ALPK1: variants seen among roughly 807,000 people sequenced by gnomAD.
The protein encoded by ALPK1 is alpha kinase 1.
In ALPK1, 110 loss-of-function variants were observed where a neutral mutation model predicts 120.6. The ratio of observed to expected loss-of-function variants is 0.91; its 90% CI spans 0.78 to 1.07. The LOEUF is 1.07. ALPK1 is among the 50% of genes least tolerant of loss of function. The probability of loss-of-function intolerance (pLI) is 0.00; values close to 1 mark genes in which losing one functional copy is unlikely to be tolerated. For synonymous variants in ALPK1, 582 were observed against 560.3 expected (o/e 1.04, Z -0.55); for missense variants, 1,498 against 1,483.9 (o/e 1.01, Z -0.16).
At chr4:112,391,277 G>A (rs758526024) in intron 4 of ALPK1, among the ~76,000 whole-genome samples, 1 of 152,192 alleles carries the variant, frequency 6.6e-6, no homozygotes, top group African/African-American at 2.4e-5. Context: ...CAAGGTAGGG[G>A]CTACTCCCTC....
At chr4:112,363,108 A>G (rs999675576) in intron 2 of ALPK1, among the ~76,000 whole-genome samples, 14 of 152,248 alleles carry the variant, frequency 9.2e-5, no homozygotes, top group African/African-American at 3.4e-4. Flanking sequence ...GAAACAAATC[A>G]TTGAAATACA....
intron 4 of ALPK1, among the ~76,000 whole-genome samples, chr4:112,403,966 G>A (rs947091707): frequency 6.6e-6 from 1 of 152,234 alleles, no homozygotes; most frequent in African/African-American, 2.4e-5. Flanking sequence ...GGTGCTTGGG[G>A]AGGGATTCCT....
At chr4:112,435,390 C>A in intron 12 of ALPK1, 89 bp downstream of exon 12, 1 of 1,308,838 alleles carries the variant, frequency 7.6e-7, no homozygotes, top group Non-Finnish European at 1.0e-6. Context: ...TTCGTAGGGG[C>A]TGAAAAACTT....
chr4:112,396,393 C>T (rs1312424260), intron 4 of ALPK1, among the ~76,000 whole-genome samples: 1 of 152,136 alleles, frequency 6.6e-6, no homozygotes, highest in Non-Finnish European at 1.5e-5. Flanking sequence ...TGTAAACCTA[C>T]TTATCAACTA....
intron 2 of ALPK1, among the ~76,000 whole-genome samples, chr4:112,317,851 A>G (rs758683378): frequency 7.9e-5 from 12 of 152,172 alleles, no homozygotes; most frequent in Non-Finnish European, 1.2e-4. Context: ...ACATATATAT[A>G]CCATTACAAA....
chr4:112,431,242 T>G lies in ALPK1; in HGVS notation c.1695T>G (p.Gly565=), dbSNP rs764021145. ...CTGAGCCATCGGACTACAGCAATGGTGAGGGAGCTGTTTTCAACAAGTCTC... is the reference window on the plus strand; with the variant it reads ...CTGAGCCATCGGACTACAGCAATGGGGAGGGAGCTGTTTTCAACAAGTCTC... ...TETEPSDYSN[G]EGAVFNKSLS... is the part of the protein sequence containing the mutation. Residue 565 remains glycine (G), a synonymous_variant, in exon 11 of 16, where the codon GGT becomes GGG. Transcript: ENST00000650871. 1 of 1,614,112 alleles carries G rather than the reference T, an allele frequency of 6.2e-7. No individual in the cohort carries two copies. The highest frequency in any genetic ancestry group is 1.1e-5 in the South Asian group (1 of 91,060).
intron 10 of ALPK1, among the ~76,000 whole-genome samples, chr4:112,429,839 C>CAAAAAAA (rs756983786): frequency 1.2e-4 from 5 of 40,064 alleles, no homozygotes; most frequent in African/African-American, 2.9e-4. Flanking sequence ...GACCCTACCT[C>CAAAAAAA]AAAAAAAAAA....
At chr4:112,358,474 C>T (rs908777548) in intron 2 of ALPK1, 31 of 665,378 alleles carry the variant, frequency 4.7e-5, no homozygotes, top group East Asian at 4.6e-4. Flanking sequence ...TCGACCTGCA[C>T]GTCCTTAGCC....
intron 5 of ALPK1, chr4:112,414,911 T>C (rs952895884): frequency 1.3e-5 from 2 of 152,336 alleles, no homozygotes; most frequent in African/African-American, 2.4e-5. Context: ...GGGGCTGTCA[T>C]TTTAATCCCT....
chr4:112,357,698 C>T, intron 2 of ALPK1: 5 of 1,577,848 alleles, frequency 3.2e-6, no homozygotes, highest in Non-Finnish European at 3.5e-6. Context: ...CAGTTGAGCT[C>T]CGCGTTTGAC....
chr4:112,358,762 A>C, intron 2 of ALPK1: 1 of 807,608 alleles, frequency 1.2e-6, no homozygotes, highest in Non-Finnish European at 2.3e-6. Flanking sequence ...GCTGGTGCAC[A>C]GATGAACACG....
intron 4 of ALPK1, among the ~76,000 whole-genome samples, chr4:112,392,669 G>A (rs1300420012): frequency 1.3e-5 from 2 of 152,202 alleles, no homozygotes; most frequent in Non-Finnish European, 2.9e-5. Context: ...TGGGACTACA[G>A]GTGCATGTCA....
intron 4 of ALPK1, among the ~76,000 whole-genome samples, chr4:112,410,516 G>C (rs1733405254): frequency 6.6e-6 from 1 of 152,238 alleles, no homozygotes; most frequent in Non-Finnish European, 1.5e-5. Flanking sequence ...GGTGATGAAA[G>C]CAGTACTTTG....
intron 1 of ALPK1, among the ~76,000 whole-genome samples, chr4:112,304,462 C>T (rs943585214): frequency 4.6e-5 from 7 of 151,948 alleles, no homozygotes; most frequent in Non-Finnish European, 8.8e-5. Context: ...TGAGATGGTA[C>T]CTCATTGTGG....
chr4:112,408,189 A>T (rs7687819), intron 4 of ALPK1, among the ~76,000 whole-genome samples: 2 of 151,988 alleles, frequency 1.3e-5, no homozygotes, highest in Non-Finnish European at 2.9e-5. Context: ...GGGCATTCAC[A>T]GGCTATCTGA....
intron 2 of ALPK1, among the ~76,000 whole-genome samples, chr4:112,320,379 T>A (rs939335041): frequency 6.6e-6 from 1 of 152,236 alleles, no homozygotes; most frequent in Non-Finnish European, 1.5e-5. Flanking sequence ...TATCCCTGCA[T>A]CCCTGGTATG....
Position 112,340,477 on chromosome 4 carries a change from G to A in ALPK1, c.-101+24625G>A, listed in dbSNP as rs374971473. On this transcript the variant is annotated intron_variant, in intron 2 of 15. Coordinates refer to ENST00000650871, the MANE Select transcript of ALPK1 (RefSeq NM_025144.4). The stretch of plus-strand genomic sequence containing the variant: ...ATTTATACTTAAATTAAATTTCAAT[G>A]TTATTAGAAAAAGTAATTTCAGTCA... Among the ~76,000 whole-genome samples, 6 of 152,252 alleles carry A rather than the reference G, an allele frequency of 3.9e-5. No individual in the cohort carries two copies. In the South Asian group the frequency reaches 8.3e-4, roughly 21 times the overall value.
chr4:112,431,640 T>C lies in ALPK1; in HGVS notation c.2093T>C (p.Ile698Thr). ...AGLLEGAPEG[I>T]QEVRNMGPRN... ...CTTCTAGAAGGAGCTCCAGAAGGTATCCAGGAAGTCAGAAATATGGGACCC... is the reference window on the plus strand; with the variant it reads ...CTTCTAGAAGGAGCTCCAGAAGGTACCCAGGAAGTCAGAAATATGGGACCC... The change falls in exon 11 of 16, where the codon ATC becomes ACC. Residue 698 changes from isoleucine to threonine, a missense_variant. Coordinates refer to ENST00000650871, the MANE Select transcript of ALPK1 (RefSeq NM_025144.4). The C allele has an allele frequency of 1.2e-6, 2 of 1,614,106 alleles. No individual in the cohort carries two copies. The highest frequency in any genetic ancestry group is 1.1e-5 in the South Asian group (1 of 91,066).
intron 1 of ALPK1, 47 bp downstream of exon 1, chr4:112,297,516 T>C (rs1727589232): frequency 6.6e-6 from 1 of 152,112 alleles, no homozygotes; most frequent in African/African-American, 2.4e-5. Context: ...TGGCATAATA[T>C]ATGAGGAAGT....
Sources: gnomAD v4.1 joint callset for allele counts (sites outside exome capture counted in the v4.1 genomes callset) on GRCh38, gnomAD v4.1.1 for gene constraint, MANE v1.5 for transcripts, NCBI Gene and HGNC (gene_info 2026-07-23, HGNC 2026-07-21) for gene names.